EOGT: variants seen among roughly 807,000 people sequenced by gnomAD.
EOGT encodes EGF domain-specific O-linked N-acetylglucosamine transferase.
A neutral mutation model predicts 70.5 loss-of-function variants in EOGT; 55 were observed. The observed-to-expected ratio is 0.78, with a 90% CI of 0.63 to 0.98. The LOEUF (loss-of-function observed/expected upper bound fraction) is 0.98. Ranked by LOEUF, EOGT falls within the 50% of genes least tolerant of loss-of-function variation. EOGT has a pLI of 0.00. For synonymous variants in EOGT, 246 were observed against 217.1 expected (o/e 1.13, Z -1.17); for missense variants, 703 against 641.9 (o/e 1.10, Z -1.03).
At chr3:68,987,390 A>T in intron 14 of EOGT, 55 bp downstream of exon 14, 1 of 1,278,202 alleles carries the variant, frequency 7.8e-7, no homozygotes, top group Non-Finnish European at 1.1e-6. Flanking sequence ...AAAAAAACAC[A>T]ATTTGCTCTA....
At chr3:68,982,923 GT>G (rs1448976906) in intron 14 of EOGT, 51 bp from the exon 15 acceptor site, 1 of 1,471,226 alleles carries the variant, frequency 6.8e-7, no homozygotes, top group East Asian at 2.3e-5. Context: ...TTTCACTTCT[GT>G]TTTTCCCTTA....
intron 14 of EOGT, among the ~76,000 whole-genome samples, chr3:68,983,382 T>G (rs2090707994): frequency 6.6e-6 from 1 of 152,212 alleles, no homozygotes; most frequent in South Asian, 2.1e-4. Flanking sequence ...CAGAAAAACA[T>G]TTTCAGTACT....
chr3:68,999,370 A>G (rs4266199), intron 9 of EOGT, among the ~76,000 whole-genome samples: 2 of 152,204 alleles, frequency 1.3e-5, no homozygotes, highest in African/African-American at 2.4e-5. Flanking sequence ...CCACTTAGGT[A>G]TGCAGGACCC....
chr3:68,986,324 TG>T (rs1356378898), intron 14 of EOGT, among the ~76,000 whole-genome samples: 2 of 152,300 alleles, frequency 1.3e-5, no homozygotes, highest in East Asian at 3.9e-4. Context: ...GATTTGGATG[TG>T]GACATCCTTT....
chr3:68,984,318 G>C (rs1319322024), intron 14 of EOGT, among the ~76,000 whole-genome samples: 1 of 152,100 alleles, frequency 6.6e-6, no homozygotes, highest in Non-Finnish European at 1.5e-5. Context: ...GGGGTAAGAA[G>C]ATTAGAATTC....
At chr3:69,001,744 A>G (rs1435332066) in intron 8 of EOGT, 30 bp from the exon 9 acceptor site, 2 of 1,456,672 alleles carry the variant, frequency 1.4e-6, no homozygotes, top group East Asian at 4.5e-5. Flanking sequence ...CATGACTTCA[A>G]ACTGATTCTC....
At position 68,976,798 on chromosome 3, in the gene EOGT, T is replaced by A. The variant is rs768378278; in HGVS notation, c.*820A>T. ...TTGGAACACTCTGGAATTACAGTCA[T>A]ATGATATTCTACAAAAATATTTACA... is the stretch of plus-strand genomic sequence containing the variant. On this transcript the variant is annotated 3_prime_UTR_variant, in exon 18 of 18. Coordinates refer to ENST00000383701, the MANE Select transcript of EOGT (RefSeq NM_001278689.2). 1 of 152,640 alleles carries A rather than the reference T, an allele frequency of 6.6e-6. No homozygotes were observed. The allele number at this position is 152,640 out of a possible 1,614,324, so 9.5% of individuals were successfully genotyped here. A position where few individuals can be genotyped will look rare whatever the true frequency, so the allele number is the denominator to read the frequency against.
At chr3:69,000,957 A>ATT (rs765794230) in intron 9 of EOGT, among the ~76,000 whole-genome samples, 12 of 138,356 alleles carry the variant, frequency 8.7e-5, no homozygotes, top group African/African-American at 1.1e-4. Flanking sequence ...ATGGCTTTTG[A>ATT]TTTTTTTTTT....
chr3:69,006,219 G>C (rs2091436798), intron 6 of EOGT, among the ~76,000 whole-genome samples: 1 of 152,142 alleles, frequency 6.6e-6, no homozygotes, highest in South Asian at 2.1e-4. Context: ...CTTTCCATGT[G>C]AACAGCTAGA....
chr3:68,979,727 C>A lies in EOGT; in HGVS notation c.1275G>T (p.Met425Ile). 6.2e-7 allele frequency: 1 copy of A among 1,613,742 alleles called. No individual in the cohort carries two copies. The highest frequency in any genetic ancestry group is 8.5e-7 in the Non-Finnish European group (1 of 1,179,718). Residue 425 changes from methionine (M) to isoleucine (I), a missense_variant, in exon 16 of 18, where the codon ATG becomes ATT. By Grantham distance (10) the Met-to-Ile change is conservative (BLOSUM62 1). Transcript: ENST00000383701. ...GTAAATGGGTCAGACCAGCTCCATG[C>A]ATTCCAATAAATATGTCCGTGTTGT... ...ITHNTDIFIG[M>I]HGAGLTHLLF...
At chr3:69,003,116 C>T (rs553103589) in intron 8 of EOGT, among the ~76,000 whole-genome samples, 170 of 152,274 alleles carry the variant, frequency 1.1e-3, no homozygotes, top group Admixed American at 7.8e-4. Context: ...CCCCCTCTCT[C>T]TCCCTACCTA....
At chr3:68,978,242 C>G in intron 17 of EOGT, 91 bp downstream of exon 17, 1 of 915,002 alleles carries the variant, frequency 1.1e-6, no homozygotes, top group Non-Finnish European at 1.7e-6. Context: ...CTTTGCAGCA[C>G]TGAAGTTCAA....
In EOGT at chr3:68,988,994, T is replaced by C. The variant is rs561641847; in HGVS notation, c.855A>G (p.Leu285=). 13 of 1,530,080 alleles carry C rather than the reference T, an allele frequency of 8.5e-6. No homozygotes were observed. In the South Asian group the frequency reaches 1.2e-4, roughly 14 times the overall value. 94.8% of individuals were successfully genotyped at this position (1,530,080 alleles called of 1,614,324 possible). A position where few individuals can be genotyped will look rare whatever the true frequency, so the allele number is the denominator to read the frequency against. ...WDTSSYGYGD[L]FSDTWNAFTD... ...TAAATGCATTCCATGTGTCGGAGAA[T>C]AGGTCACCATATCCGTAAGAACTCT... Residue 285 remains leucine (L), a synonymous_variant, in exon 11 of 18, where the codon CTA becomes CTG. Coordinates refer to ENST00000383701, the MANE Select transcript of EOGT (RefSeq NM_001278689.2).
intron 15 of EOGT, among the ~76,000 whole-genome samples, chr3:68,980,131 G>C (rs1457742656): frequency 6.6e-6 from 1 of 152,142 alleles, no homozygotes; most frequent in African/African-American, 2.4e-5. Context: ...TTCAAATCGA[G>C]GTAGATACTA....
chr3:68,997,928 G>C, intron 10 of EOGT, 83 bp downstream of exon 10: 1 of 820,586 alleles, frequency 1.2e-6, no homozygotes, highest in Non-Finnish European at 2.0e-6. Flanking sequence ...ATGTGTCTTT[G>C]AAAATTCTGT....
Position 68,975,691 on chromosome 3 carries a change from CAT to C in EOGT, c.*1925_*1926del. The C allele has an allele frequency of 6.6e-6, 1 of 152,336 alleles. No individual in the cohort carries two copies. The highest frequency in any genetic ancestry group is 1.5e-5 in the Non-Finnish European group (1 of 68,004). 9.4% of individuals were successfully genotyped at this position (152,336 alleles called of 1,614,324 possible). Reference sequence around the variant, plus strand: ...ATACCTGCCACTTAAAAATCCATAACATGTTGTAATTCTTCTTATGTGATTTT... The same window carrying C: ...ATACCTGCCACTTAAAAATCCATAACGTTGTAATTCTTCTTATGTGATTTT... On this transcript the variant is annotated 3_prime_UTR_variant, in exon 18 of 18. Coordinates refer to ENST00000383701, the MANE Select transcript of EOGT (RefSeq NM_001278689.2).
At chr3:68,997,899 G>T (rs2091194967) in intron 10 of EOGT, 112 bp downstream of exon 10, 1 of 665,528 alleles carries the variant, frequency 1.5e-6, no homozygotes, top group African/African-American at 1.8e-5. Context: ...ATTATGTGCG[G>T]CTGTACATGT....
intron 8 of EOGT, among the ~76,000 whole-genome samples, chr3:69,003,799 G>A (rs988124787): frequency 1.1e-4 from 16 of 152,182 alleles, no homozygotes; most frequent in African/African-American, 3.6e-4. Context: ...CTGGGTAAAA[G>A]TTACATGGGT....
chr3:68,993,104 G>A (rs546955159), intron 10 of EOGT, among the ~76,000 whole-genome samples: 1 of 152,294 alleles, frequency 6.6e-6, no homozygotes, highest in Admixed American at 6.5e-5. Context: ...TTTTCCTCAT[G>A]GTCTTGGGAA....
Sources: gnomAD v4.1 joint callset for allele counts (sites outside exome capture counted in the v4.1 genomes callset) on GRCh38, gnomAD v4.1.1 for gene constraint, MANE v1.5 for transcripts, NCBI Gene and HGNC (gene_info 2026-07-23, HGNC 2026-07-21) for gene names.